C2orf72: variants seen among roughly 807,000 people sequenced by gnomAD.
The protein encoded by C2orf72 is chromosome 2 open reading frame 72.
A neutral mutation model predicts 14.4 loss-of-function variants in C2orf72; 16 were observed. The ratio of observed to expected loss-of-function variants is 1.11; its 90% CI spans 0.75 to 1.69. The LOEUF is 1.69. Among genes scored for constraint, C2orf72 ranks in the 40% most tolerant of loss-of-function variants. The pLI is 0.00. For synonymous variants in C2orf72, 168 were observed against 176.8 expected (o/e 0.95, Z 0.40); for missense variants, 371 against 358.3 (o/e 1.04, Z -0.29).
At chr2:231,042,025 A>T (rs1055048719) in intron 2 of C2orf72, among the ~76,000 whole-genome samples, 1 of 152,008 alleles carries the variant, frequency 6.6e-6, no homozygotes, top group African/African-American at 2.4e-5. Context: ...GTTTAGAGAG[A>T]TGGACTCTAG....
rs558991475 is a variant in C2orf72 at position 231,039,594 on chromosome 2, G to A, written c.634+1395G>A. On this transcript the variant is annotated intron_variant, in intron 1 of 2. Transcript: ENST00000373640. ...GCCAGCCTGGCCTGCCTGGGCGAGC[G>A]CGCCTGCCCTAACCCTCCTCCCTTA... Among the ~76,000 whole-genome samples the A allele has an allele frequency of 5.0e-4, 76 of 152,232 alleles. No homozygotes were observed. In the South Asian group the frequency reaches 5.8e-3, roughly 12 times the overall value.
intron 1 of C2orf72, 189 bp from the exon 2 acceptor site, chr2:231,041,107 A>G (rs1693333953): frequency 1.9e-6 from 1 of 534,074 alleles, no homozygotes; most frequent in Admixed American, 3.5e-5. Flanking sequence ...GATAAAAGTA[A>G]AGCAATCATT....
intron 2 of C2orf72, among the ~76,000 whole-genome samples, chr2:231,043,928 G>A (rs940266304): frequency 6.6e-6 from 1 of 152,132 alleles, no homozygotes; most frequent in African/African-American, 2.4e-5. Flanking sequence ...TAGAAACCTG[G>A]ATGGTATAAC....
At chr2:231,045,130 G>A (rs539356873) in intron 2 of C2orf72, among the ~76,000 whole-genome samples, 8 of 151,916 alleles carry the variant, frequency 5.3e-5, no homozygotes, top group African/African-American at 1.9e-4. Context: ...AGGGCGTGGT[G>A]GCACACGCCT....
chr2:231,044,666 A>ATTTTTTTTT (rs934535205), intron 2 of C2orf72, among the ~76,000 whole-genome samples: 8 of 115,092 alleles, frequency 7.0e-5, no homozygotes, highest in Admixed American at 9.2e-5. Context: ...TCCTATTTTA[A>ATTTTTTTTT]TTTTTTTTTT....
intron 1 of C2orf72, among the ~76,000 whole-genome samples, chr2:231,040,885 C>T (rs1473277407): frequency 6.6e-6 from 1 of 152,154 alleles, no homozygotes; most frequent in African/African-American, 2.4e-5. Context: ...AATAAACAAC[C>T]TAGTTCCTGT....
chr2:231,047,368 A>G lies in C2orf72; in HGVS notation c.*347A>G. 2 of 382,448 alleles carry G rather than the reference A, an allele frequency of 5.2e-6. No homozygotes were observed. Among genetic ancestry groups the G allele is most frequent in the South Asian group, 2.1e-5 (1 of 48,372 alleles). The allele number at this position is 382,448 out of a possible 1,614,324, so 23.7% of individuals were successfully genotyped here. ...GGTGTGTCTGCAGTGTTCTGGGCAC[A>G]TGCATGGGCACCCATCGTTGAGAGT... On this transcript the variant is annotated 3_prime_UTR_variant, in exon 3 of 3. Transcript: ENST00000373640.
chr2:231,039,743 A>G (rs1693316320), intron 1 of C2orf72, among the ~76,000 whole-genome samples: 1 of 149,332 alleles, frequency 6.7e-6, no homozygotes, highest in African/African-American at 2.5e-5. Context: ...TAATGAGTGC[A>G]TGCATTTTTT....
At position 231,041,164 on chromosome 2, in the gene C2orf72, C is replaced by G. The variant is rs900977180; in HGVS notation, c.635-132C>G. 4.9e-5 allele frequency: 30 copies of G among 617,404 alleles called. 1 individual carries two copies. The highest frequency in any genetic ancestry group is 7.6e-5 in the Non-Finnish European group (28 of 370,634). The allele number at this position is 617,404 out of a possible 1,614,324, so 38.2% of individuals were successfully genotyped here. ...CCCACCCACTTTTGCAAATCAGACT[C>G]TGTGTTTTTAATCAGACAGTTGAAA... On this transcript the variant is annotated intron_variant, in intron 1 of 2. Coordinates refer to ENST00000373640, the MANE Select transcript of C2orf72 (RefSeq NM_001144994.2).
chr2:231,044,371 G>A (rs1574690298), intron 2 of C2orf72, among the ~76,000 whole-genome samples: 1 of 152,298 alleles, frequency 6.6e-6, no homozygotes, highest in East Asian at 1.9e-4. Context: ...GGCCAGGCAT[G>A]ATGGCGCGTG....
chr2:231,043,466 T>TA (rs1163225965), intron 2 of C2orf72, among the ~76,000 whole-genome samples: 1 of 152,102 alleles, frequency 6.6e-6, no homozygotes. Flanking sequence ...CAGAGATAAC[T>TA]ACAATTATAT....
Position 231,038,013 on chromosome 2 carries a change from G to A in C2orf72, c.448G>A (p.Ala150Thr), listed in dbSNP as rs1693281511. 1 of 1,060,676 alleles carries A rather than the reference G, an allele frequency of 9.4e-7. No homozygotes were observed. Among genetic ancestry groups the A allele is most frequent in the East Asian group, 7.3e-5 (1 of 13,680 alleles). The allele number at this position is 1,060,676 out of a possible 1,614,324, so 65.7% of individuals were successfully genotyped here. A position where few individuals can be genotyped will look rare whatever the true frequency, so the allele number is the denominator to read the frequency against. ...GCTGGTCGGGGTGCTGGTGGCCGAG[G>A]CCGGGCCAGAGGACGCGGTGGCGCC... is the stretch of plus-strand genomic sequence containing the variant. ...AALVGVLVAEAGPEDAVAPGL... is the reference protein window; with the variant it reads ...AALVGVLVAETGPEDAVAPGL... Residue 150 changes from alanine to threonine, a missense_variant, in exon 1 of 3, where the codon GCC becomes ACC. Coordinates refer to ENST00000373640, the MANE Select transcript of C2orf72 (RefSeq NM_001144994.2).
intron 1 of C2orf72, among the ~76,000 whole-genome samples, chr2:231,040,786 A>C (rs375173432): frequency 2.6e-5 from 4 of 152,322 alleles, no homozygotes; most frequent in African/African-American, 9.6e-5. Context: ...GTGCGGGTTA[A>C]GAGTAAATTG....
chr2:231,044,937 A>ATATC lies in C2orf72; in HGVS notation c.749-1942_749-1941insCTAT, dbSNP rs1418141754. Among the ~76,000 whole-genome samples the ATATC allele has an allele frequency of 2.1e-3, 257 of 120,258 alleles. 2 individuals are homozygous for ATATC. The highest frequency in any genetic ancestry group is 0.011 in the African/African-American group (234 of 22,166). 78.9% of individuals were successfully genotyped at this position (120,258 alleles called of 152,430 possible). On this transcript the variant is annotated intron_variant, in intron 2 of 2. Coordinates refer to ENST00000373640, the MANE Select transcript of C2orf72 (RefSeq NM_001144994.2). ...AAACTTTATATACGTGTGTGTGTAT[A>ATATC]TATATCTTTATATATATATATATAT...
At chr2:231,038,369 A>T (rs1368798638) in intron 1 of C2orf72, among the ~76,000 whole-genome samples, 170 bp downstream of exon 1, 2 of 152,158 alleles carry the variant, frequency 1.3e-5, no homozygotes, top group Non-Finnish European at 2.9e-5. Flanking sequence ...GGCCGTGCGT[A>T]GCGGATCGAG....
chr2:231,047,543 C>A lies in C2orf72; in HGVS notation c.*522C>A. On this transcript the variant is annotated 3_prime_UTR_variant, in exon 3 of 3. Transcript: ENST00000373640. Reference sequence around the variant, plus strand: ...ACCAGGGGCAGGTTGTCCCTCCAGGCAGCATTGGAAATGTGTGTGTGTTGA... The same window carrying A: ...ACCAGGGGCAGGTTGTCCCTCCAGGAAGCATTGGAAATGTGTGTGTGTTGA... 1 of 277,246 alleles carries A rather than the reference C, an allele frequency of 3.6e-6. No individual in the cohort carries two copies. The highest frequency in any genetic ancestry group is 7.2e-6 in the Non-Finnish European group (1 of 139,148). 17.2% of individuals were successfully genotyped at this position (277,246 alleles called of 1,614,324 possible). A position where few individuals can be genotyped will look rare whatever the true frequency, so the allele number is the denominator to read the frequency against.
chr2:231,048,170 A>C lies in C2orf72; in HGVS notation c.*1149A>C, dbSNP rs957760503. On this transcript the variant is annotated 3_prime_UTR_variant, in exon 3 of 3. Transcript: ENST00000373640. ...AGCTGGGAAATCCATGTGTTTATTCACGGAGGGAACTCACCATTACCTCCC... is the reference window on the plus strand; with the variant it reads ...AGCTGGGAAATCCATGTGTTTATTCCCGGAGGGAACTCACCATTACCTCCC... 2.6e-5 allele frequency: 4 copies of C among 152,176 alleles called. No homozygotes were observed. The highest frequency in any genetic ancestry group is 9.7e-5 in the African/African-American group (4 of 41,420). 9.4% of individuals were successfully genotyped at this position (152,176 alleles called of 1,614,324 possible). A position where few individuals can be genotyped will look rare whatever the true frequency, so the allele number is the denominator to read the frequency against.
rs1345644698 is a variant in C2orf72 at position 231,041,401 on chromosome 2, C to T, written c.740C>T (p.Ser247Leu). 1.3e-6 allele frequency: 2 copies of T among 1,550,776 alleles called. No homozygotes were observed. The highest frequency in any genetic ancestry group is 1.4e-5 in the African/African-American group (1 of 73,032). ...KNQDVAACRSSAQEDFQEPEE... is the reference protein window; with the variant it reads ...KNQDVAACRSLAQEDFQEPEE... ...CAGGATGTTGCTGCCTGCAGAAGCT[C>T]AGCTCAGGGTGAGTGCTCCCCGACC... Residue 247 changes from serine to leucine, a missense_variant, in exon 2 of 3, where the codon TCA (serine) becomes TTA (leucine). This residue lies in a region of C2orf72 where 145 missense variants were observed against 149.4 expected (regional missense o/e 0.97). Coordinates refer to ENST00000373640, the MANE Select transcript of C2orf72 (RefSeq NM_001144994.2).
rs985747494 is a variant in C2orf72 at position 231,044,962 on chromosome 2, T to TATATATATATAC, written c.749-1919_749-1918insTATATATATACA. Reference sequence around the variant, plus strand: ...ATATATCTTTATATATATATATATATACACACACACACACATATAAGTAGA... The same window carrying TATATATATATAC: ...ATATATCTTTATATATATATATATATATATATATATACACACACACACACACATATAAGTAGA... On this transcript the variant is annotated intron_variant, in intron 2 of 2. Coordinates refer to ENST00000373640, the MANE Select transcript of C2orf72 (RefSeq NM_001144994.2). Among the ~76,000 whole-genome samples the TATATATATATAC allele has an allele frequency of 3.5e-3, 512 of 146,396 alleles. 6 individuals carry two copies. Among genetic ancestry groups the TATATATATATAC allele is most frequent in the African/African-American group, 0.013 (496 of 39,342 alleles).
Sources: allele counts gnomAD v4.1 joint callset (sites outside exome capture counted in the v4.1 genomes callset), GRCh38; gene constraint gnomAD v4.1.1; regional missense constraint gnomAD v4.1.1; transcripts MANE v1.5; gene names NCBI Gene and HGNC (gene_info 2026-07-23, HGNC 2026-07-21).